DGKI: variants seen among roughly 807,000 people sequenced by gnomAD.
DGKI encodes diacylglycerol kinase iota, also known as DAG kinase iota.
DGKI carries 55 observed loss-of-function variants against 147.5 expected under a neutral mutation model. That is an observed-to-expected ratio of 0.37 (90% CI 0.30 to 0.47). The LOEUF (loss-of-function observed/expected upper bound fraction) is 0.47, where lower values mean the gene tolerates loss of function less well. DGKI is among the 20% of genes least tolerant of loss of function. DGKI has a pLI of 1.00. For synonymous variants in DGKI, 469 were observed against 477.1 expected (o/e 0.98, Z 0.22); for missense variants, 1,007 against 1,323.8 (o/e 0.76, Z 3.71).
chr7:137,720,663 G>T (rs906371186), intron 1 of DGKI, among the ~76,000 whole-genome samples: 1 of 151,872 alleles, frequency 6.6e-6, no homozygotes, highest in African/African-American at 2.4e-5. Context: ...ATTTAATTTT[G>T]CCCTGGGATT....
chr7:137,834,628 G>A (rs1798309938), intron 1 of DGKI, among the ~76,000 whole-genome samples: 1 of 152,222 alleles, frequency 6.6e-6, no homozygotes, highest in African/African-American at 2.4e-5. Flanking sequence ...ATCTTGAGGA[G>A]GGGAATGGTG....
rs868388427 is a variant in DGKI at position 137,844,640 on chromosome 7, A to G, written c.401+1822T>C. 7.2e-5 allele frequency among the ~76,000 whole-genome samples: 11 copies of G among 152,216 alleles called. No homozygotes were observed. In the South Asian group the frequency reaches 2.3e-3, roughly 32 times the overall value. On this transcript the variant is annotated intron_variant, in intron 1 of 32. Coordinates refer to ENST00000614521, the MANE Select transcript of DGKI (RefSeq NM_001321708.2). Reference sequence around the variant, plus strand: ...GCAATGTTATTATTCTTCTATAGAAACATGCTGCGTCTGTGTCCATGTCTA... The same window carrying G: ...GCAATGTTATTATTCTTCTATAGAAGCATGCTGCGTCTGTGTCCATGTCTA...
chr7:137,630,630 C>T (rs892188391), intron 6 of DGKI, among the ~76,000 whole-genome samples: 1 of 152,146 alleles, frequency 6.6e-6, no homozygotes, highest in Non-Finnish European at 1.5e-5. Flanking sequence ...AGATAGACAC[C>T]TATAACAATG....
intron 21 of DGKI, among the ~76,000 whole-genome samples, chr7:137,515,935 G>A (rs1356897667): frequency 2.6e-5 from 4 of 151,994 alleles, no homozygotes; most frequent in African/African-American, 4.8e-5. Context: ...ATGTCAAATC[G>A]TGAAAATAGG....
Position 137,846,134 on chromosome 7 carries a change from T to TCTCTCTC in DGKI, c.401+327_401+328insGAGAGAG, listed in dbSNP as rs1798709704. Among the ~76,000 whole-genome samples the TCTCTCTC allele has an allele frequency of 7.1e-4, 61 of 85,388 alleles. No homozygotes were observed. Among genetic ancestry groups the TCTCTCTC allele is most frequent in the South Asian group, 1.2e-3 (3 of 2,402 alleles). 56.0% of individuals were successfully genotyped at this position (85,388 alleles called of 152,430 possible). A position where few individuals can be genotyped will look rare whatever the true frequency, so the allele number is the denominator to read the frequency against. On this transcript the variant is annotated intron_variant, in intron 1 of 32. Coordinates refer to ENST00000614521, the MANE Select transcript of DGKI (RefSeq NM_001321708.2). The surrounding 1 kb of genome is among the most constrained non-coding windows in gnomAD (Gnocchi z 4.0). ...TCTGCAACCCTTTCTCTCTCTCTCT[T>TCTCTCTC]TCTCTCTCTCTCTCTCTCTCTCTCT...
At chr7:137,655,284 C>G (rs138019718) in intron 4 of DGKI, among the ~76,000 whole-genome samples, 2 of 151,866 alleles carry the variant, frequency 1.3e-5, no homozygotes, top group South Asian at 4.2e-4. Context: ...CTGCAACCTC[C>G]GCCTCCTGGA....
chr7:137,610,050 CTTTT>C (rs924647656), intron 8 of DGKI, among the ~76,000 whole-genome samples: 20 of 151,678 alleles, frequency 1.3e-4, no homozygotes, highest in Non-Finnish European at 2.5e-4. Flanking sequence ...TTTTATTTTT[CTTTT>C]TTGTTTTTTT....
intron 21 of DGKI, among the ~76,000 whole-genome samples, chr7:137,502,987 C>T (rs878882634): frequency 6.6e-6 from 1 of 152,124 alleles, no homozygotes; most frequent in Non-Finnish European, 1.5e-5. Context: ...GAAACATCTC[C>T]AGGCCTGGAC....
In DGKI at chr7:137,802,401, T is replaced by C. The variant is rs187735052; in HGVS notation, c.401+44061A>G. On this transcript the variant is annotated intron_variant, in intron 1 of 32. Transcript: ENST00000614521. The stretch of plus-strand genomic sequence containing the variant: ...AACTATTAAAATGATTTTTAATATC[T>C]TTCTGGGAATTATTCTTTTCCAGCT... Among the ~76,000 whole-genome samples, 83 of 152,336 alleles carry C rather than the reference T, an allele frequency of 5.4e-4. 2 individuals are homozygous for C. Among genetic ancestry groups the C allele is most frequent in the Admixed American group, 5.3e-3 (81 of 15,300 alleles).
chr7:137,544,992 G>A (rs1357362736), intron 20 of DGKI, among the ~76,000 whole-genome samples: 1 of 152,154 alleles, frequency 6.6e-6, no homozygotes, highest in Non-Finnish European at 1.5e-5. Flanking sequence ...GAAATATACA[G>A]GATCCTGACA....
intron 21 of DGKI, among the ~76,000 whole-genome samples, chr7:137,512,595 A>T (rs1816616010): frequency 6.6e-6 from 1 of 152,224 alleles, no homozygotes; most frequent in Non-Finnish European, 1.5e-5. Flanking sequence ...ACATAAAATA[A>T]ACCAATGAAA....
intron 23 of DGKI, among the ~76,000 whole-genome samples, chr7:137,471,806 A>G (rs1814901061): frequency 6.7e-6 from 1 of 150,022 alleles, no homozygotes; most frequent in African/African-American, 2.4e-5. Flanking sequence ...AATATAAAAT[A>G]TGTATATCAT....
chr7:137,441,348 G>A (rs12531044), intron 28 of DGKI, among the ~76,000 whole-genome samples: 49,868 of 148,808 alleles, frequency 0.34, 9,317 homozygotes, highest in East Asian at 0.65. Context: ...GTGAACCCGG[G>A]AAGCAGAGCT....
At chr7:137,634,190 C>T (rs999822700) in intron 6 of DGKI, among the ~76,000 whole-genome samples, 2 of 152,188 alleles carry the variant, frequency 1.3e-5, no homozygotes, top group African/African-American at 4.8e-5. Context: ...GCACATTCTA[C>T]ATTTAGGAAT....
At chr7:137,632,112 G>A (rs1821142486) in intron 6 of DGKI, among the ~76,000 whole-genome samples, 1 of 152,166 alleles carries the variant, frequency 6.6e-6, no homozygotes, top group South Asian at 2.1e-4. Context: ...AAGTTGCAAG[G>A]GGACTTGACC....
At chr7:137,625,399 G>A (rs928982997) in intron 6 of DGKI, among the ~76,000 whole-genome samples, 4 of 152,076 alleles carry the variant, frequency 2.6e-5, no homozygotes, top group Non-Finnish European at 5.9e-5. Context: ...GTCGGAAGTG[G>A]CAGTGAGCCA....
At chr7:137,535,647 T>C (rs1435473464) in intron 20 of DGKI, among the ~76,000 whole-genome samples, 3 of 152,154 alleles carry the variant, frequency 2.0e-5, no homozygotes, top group Non-Finnish European at 4.4e-5. Flanking sequence ...CCTTTTACTG[T>C]ATGAAAAGTG....
At chr7:137,401,074 C>A (rs1052763908) in intron 30 of DGKI, among the ~76,000 whole-genome samples, 1 of 152,154 alleles carries the variant, frequency 6.6e-6, no homozygotes, top group Non-Finnish European at 1.5e-5. Flanking sequence ...CTTATTTGAA[C>A]CTGCACTGCC....
chr7:137,693,081 A>T (rs891389871), intron 1 of DGKI, among the ~76,000 whole-genome samples: 3 of 152,226 alleles, frequency 2.0e-5, no homozygotes, highest in Admixed American at 2.0e-4. Flanking sequence ...ATAAGAAAAT[A>T]GTTTTATTAT....
Sources: gnomAD v4.1 joint callset for allele counts (sites outside exome capture counted in the v4.1 genomes callset) on GRCh38, gnomAD v4.1.1 for gene constraint, Gnocchi (gnomAD v3.1) non-coding constraint, MANE v1.5 for transcripts, NCBI Gene and HGNC (gene_info 2026-07-23, HGNC 2026-07-21) for gene names.